The following PTCD1 variants were observed in gnomAD, a reference collection of about 807,000 sequenced individuals.
PTCD1 encodes pentatricopeptide repeat-containing protein 1, mitochondrial.
A neutral mutation model predicts 53.4 loss-of-function variants in PTCD1; 50 were observed. That is an observed-to-expected ratio of 0.94 (90% CI 0.75 to 1.19). PTCD1 has a LOEUF of 1.19. Ranked by LOEUF, PTCD1 falls within the 50% of genes most tolerant of loss-of-function variation. The probability of loss-of-function intolerance (pLI) is 0.00; values close to 1 mark genes in which losing one functional copy is unlikely to be tolerated. For synonymous variants in PTCD1, 413 were observed against 394.8 expected (o/e 1.05, Z -0.55); for missense variants, 918 against 904.8 (o/e 1.01, Z -0.19).
intron 1 of PTCD1, 89 bp from the exon 2 acceptor site, chr7:99,435,357 G>A: frequency 6.6e-7 from 1 of 1,513,228 alleles, no homozygotes; most frequent in Non-Finnish European, 8.9e-7. Flanking sequence ...TATGGGCCCA[G>A]GCCAGGCGCG....
At chr7:99,432,617 C>CCGTATGCGGGATGCTGAG (rs1562845690) in intron 3 of PTCD1, among the ~76,000 whole-genome samples, 7 of 149,004 alleles carry the variant, frequency 4.7e-5, no homozygotes, top group Non-Finnish European at 1.0e-4. Context: ...CGCAGGTCCT[C>CCGTATGCGGGATGCTGAG]CGTATGCGGG....
intron 3 of PTCD1, among the ~76,000 whole-genome samples, chr7:99,430,353 C>G (rs993713181): frequency 2.0e-5 from 3 of 152,224 alleles, no homozygotes; most frequent in Admixed American, 6.5e-5. Flanking sequence ...ACTCAGCTTA[C>G]TGAGCCTCCA....
rs200867077 is a variant in PTCD1 at position 99,420,057 on chromosome 7, C to T, written c.2013G>A (p.Pro671=). 9.5e-5 allele frequency: 154 copies of T among 1,614,188 alleles called. 1 individual carries two copies. In the East Asian group the frequency reaches 2.8e-3, roughly 29 times the overall value. Residue 671 remains proline, a synonymous_variant, in exon 8 of 8, where the codon CCG becomes CCA. Coordinates refer to ENST00000292478, the MANE Select transcript of PTCD1 (RefSeq NM_015545.4). ...TGGTCCGGAACTTCTGCCAGGGGTG[C>T]GGGGTTTCCTCTGCGGGCATCACTG... ...WLTVMPAEET[P]HPWQKFRTKP... is the part of the protein sequence containing the mutation.
At chr7:99,433,585 C>T (rs1584466416) in intron 2 of PTCD1, among the ~76,000 whole-genome samples, 167 bp from the exon 3 acceptor site, 1 of 152,362 alleles carries the variant, frequency 6.6e-6, no homozygotes, top group East Asian at 1.9e-4. Flanking sequence ...TCCCTCACCT[C>T]ACACCATTTC....
chr7:99,426,163 C>T (rs1796010352), intron 5 of PTCD1, among the ~76,000 whole-genome samples: 1 of 144,310 alleles, frequency 6.9e-6, no homozygotes, highest in Non-Finnish European at 1.5e-5. Flanking sequence ...TCTCCCTCTC[C>T]CTCTCCCCAC....
intron 3 of PTCD1, among the ~76,000 whole-genome samples, chr7:99,430,613 A>T (rs1029981031): frequency 3.3e-5 from 5 of 152,208 alleles, no homozygotes; most frequent in Non-Finnish European, 7.3e-5. Flanking sequence ...GGCAGTCCCT[A>T]CTTTGAGGAT....
chr7:99,422,410 A>T (rs905527103), intron 7 of PTCD1, among the ~76,000 whole-genome samples: 18 of 152,186 alleles, frequency 1.2e-4, no homozygotes, highest in African/African-American at 4.3e-4. Flanking sequence ...TGGACCCAAA[A>T]GCCAAACCCC....
Position 99,419,591 on chromosome 7 carries a change from A to G in PTCD1, c.*376T>C. 2 of 929,324 alleles carry G rather than the reference A, an allele frequency of 2.2e-6. No homozygotes were observed. Among genetic ancestry groups the G allele is most frequent in the Non-Finnish European group, 3.2e-6 (2 of 617,504 alleles). The allele number at this position is 929,324 out of a possible 1,614,324, so 57.6% of individuals were successfully genotyped here. ...TCGCTGTCTATCAGCTGTGATTTGT[A>G]AAAATAAAATCTTTAAATCTCTCGA... On this transcript the variant is annotated 3_prime_UTR_variant, in exon 8 of 8. Coordinates refer to ENST00000292478, the MANE Select transcript of PTCD1 (RefSeq NM_015545.4).
intron 5 of PTCD1, 63 bp from the exon 6 acceptor site, chr7:99,425,679 C>T (rs1431575749): frequency 1.2e-5 from 18 of 1,548,026 alleles, no homozygotes; most frequent in African/African-American, 2.7e-5. Flanking sequence ...GCAGGGCTCA[C>T]GCCTGGAATC....
chr7:99,426,696 T>C (rs1796040896), intron 5 of PTCD1, among the ~76,000 whole-genome samples: 1 of 138,792 alleles, frequency 7.2e-6, no homozygotes, highest in African/African-American at 2.8e-5. Context: ...GTGAGGAGCG[T>C]CTCTGCCCAG....
chr7:99,436,054 T>G (rs1796454893), intron 1 of PTCD1, among the ~76,000 whole-genome samples: 1 of 152,036 alleles, frequency 6.6e-6, no homozygotes, highest in East Asian at 1.9e-4. Context: ...CAAGCGATCC[T>G]CCCATTTCAG....
chr7:99,424,406 CGCA>C (rs1795937335), intron 6 of PTCD1, among the ~76,000 whole-genome samples: 2 of 152,226 alleles, frequency 1.3e-5, no homozygotes, highest in Admixed American at 1.3e-4. Context: ...ATGAAATCCA[CGCA>C]GCACTTCCAA....
At chr7:99,424,057 C>T in intron 6 of PTCD1, 100 bp from the exon 7 acceptor site, 1 of 1,521,494 alleles carries the variant, frequency 6.6e-7, no homozygotes, top group Non-Finnish European at 8.9e-7. Context: ...GACCAGCGGC[C>T]AGGGCCAGCA....
At chr7:99,434,212 A>G (rs1796368935) in intron 2 of PTCD1, among the ~76,000 whole-genome samples, 1 of 151,660 alleles carries the variant, frequency 6.6e-6, no homozygotes, top group Non-Finnish European at 1.5e-5. Flanking sequence ...TCGGGAGACC[A>G]AGGCGGGCGG....
rs1173630182 is a variant in PTCD1, at chr7:99,424,834, G to C, written c.1698C>G (p.His566Gln). The change falls in exon 6 of 8, where the codon CAC becomes CAG. Residue 566 changes from histidine (H) to glutamine (Q), a missense_variant. By Grantham distance (24) the His-to-Gln change is conservative. Transcript: ENST00000292478. ...QTFCNLAIGC[H>Q]RPKDGLQLLT... is the part of the protein sequence containing the mutation. Reference sequence around the variant, plus strand: ...GAAGCTGTAGACCGTCCTTCGGCCTGTGGCACCCGATGGCCAGGTTGCAGA... The same window carrying C: ...GAAGCTGTAGACCGTCCTTCGGCCTCTGGCACCCGATGGCCAGGTTGCAGA... The C allele has an allele frequency of 6.2e-7, 1 of 1,614,268 alleles. No individual in the cohort carries two copies. The highest frequency in any genetic ancestry group is 1.1e-5 in the South Asian group (1 of 91,090).
chr7:99,426,100 T>C (rs75872428), intron 5 of PTCD1, among the ~76,000 whole-genome samples: 37 of 146,368 alleles, frequency 2.5e-4, no homozygotes, highest in African/African-American at 9.0e-4. Context: ...TGGCCGGGCC[T>C]CTCCCTCTCC....
intron 6 of PTCD1, among the ~76,000 whole-genome samples, chr7:99,424,532 C>CCCA (rs1480868206): frequency 6.6e-6 from 1 of 152,122 alleles, no homozygotes; most frequent in Non-Finnish European, 1.5e-5. Context: ...GAGGCCTGTG[C>CCCA]CCAGCCCTGT....
chr7:99,434,762 G>A, intron 2 of PTCD1, 28 bp downstream of exon 2: 3 of 1,613,052 alleles, frequency 1.9e-6, no homozygotes, highest in South Asian at 1.1e-5. Context: ...AAGAAGCCAG[G>A]AGCCACAGAA....
intron 1 of PTCD1, among the ~76,000 whole-genome samples, chr7:99,437,544 C>T (rs2150964197): frequency 6.6e-6 from 1 of 152,270 alleles, no homozygotes; most frequent in Admixed American, 6.5e-5. Flanking sequence ...ACCTTGTGAT[C>T]CGCCCGCCTC....
Sources: allele counts gnomAD v4.1 joint callset (sites outside exome capture counted in the v4.1 genomes callset), GRCh38; gene constraint gnomAD v4.1.1; transcripts MANE v1.5; gene names NCBI Gene and HGNC (gene_info 2026-07-23, HGNC 2026-07-21).